The following ARHGAP44 variants were observed in gnomAD, a reference collection of about 807,000 sequenced individuals.
The protein encoded by ARHGAP44 is Rho GTPase activating protein 44.
In ARHGAP44, 43 loss-of-function variants were observed where a neutral mutation model predicts 106.8. The observed-to-expected ratio is 0.40, with a 90% confidence interval of 0.32 to 0.52. ARHGAP44 has a LOEUF of 0.52. Ranked by LOEUF, ARHGAP44 falls within the 20% of genes least tolerant of loss-of-function variation. The probability of loss-of-function intolerance (pLI) is 0.48; values close to 1 mark genes in which losing one functional copy is unlikely to be tolerated. For missense variants in ARHGAP44, 866 were observed against 1,050.5 expected (o/e 0.82, Z 2.43); for synonymous variants, 439 against 410.3 (o/e 1.07, Z -0.85).
At chr17:12,965,599 G>A (rs2039371824) in intron 16 of ARHGAP44, among the ~76,000 whole-genome samples, 1 of 152,162 alleles carries the variant, frequency 6.6e-6, no homozygotes, top group Admixed American at 6.5e-5. Flanking sequence ...GAGGAGGGTG[G>A]ACTCTGATGT....
At chr17:12,966,144 A>G (rs531649535) in intron 16 of ARHGAP44, among the ~76,000 whole-genome samples, 1 of 143,218 alleles carries the variant, frequency 7.0e-6, no homozygotes, top group East Asian at 2.1e-4. Context: ...TGACATAGTG[A>G]CACGCTGTCT....
At chr17:12,865,714 G>A (rs2036220186) in intron 1 of ARHGAP44, among the ~76,000 whole-genome samples, 1 of 151,726 alleles carries the variant, frequency 6.6e-6, no homozygotes, top group Admixed American at 6.6e-5. Flanking sequence ...GCGTGAACCT[G>A]GGAGGCGGAG....
intron 13 of ARHGAP44, among the ~76,000 whole-genome samples, chr17:12,953,110 C>T (rs1252693603): frequency 1.3e-5 from 2 of 152,132 alleles, no homozygotes; most frequent in Non-Finnish European, 2.9e-5. Context: ...AGCTGACCTA[C>T]ATGGGAGCTG....
rs147787642 is a variant in ARHGAP44 at position 12,982,011 on chromosome 17, C to CAA, written c.1939+1786_1939+1787dup. Among the ~76,000 whole-genome samples, 3 of 150,194 alleles carry CAA rather than the reference C, an allele frequency of 2.0e-5. No homozygotes were observed. The South Asian group carries it at 6.3e-4, about 32-fold the overall frequency. Reference sequence around the variant, plus strand: ...GGGCAGCAAAGCAAAACTCTGTCTCCAAAAAAAAAGAGTCCTTTAACTTTC... The same window carrying CAA: ...GGGCAGCAAAGCAAAACTCTGTCTCCAAAAAAAAAAAGAGTCCTTTAACTTTC... On this transcript the variant is annotated intron_variant, in intron 19 of 20. Transcript: ENST00000379672.
intron 1 of ARHGAP44, among the ~76,000 whole-genome samples, chr17:12,833,617 G>C (rs2035151119): frequency 6.6e-6 from 1 of 152,124 alleles, no homozygotes; most frequent in Non-Finnish European, 1.5e-5. Context: ...GATTTATTCT[G>C]AGTGAAATAT....
chr17:12,798,232 T>C (rs1246545991), intron 1 of ARHGAP44, among the ~76,000 whole-genome samples: 1 of 152,220 alleles, frequency 6.6e-6, no homozygotes, highest in African/African-American at 2.4e-5. Context: ...TATAGAACAA[T>C]GTTAAAATAT....
At position 12,952,638 on chromosome 17, in the gene ARHGAP44, G is replaced by T. The variant is rs1038651082; in HGVS notation, c.1136+57G>T. ...GGCTTGGGCTTATGTAAGCCTCAGA[G>T]ATACAACTGCCCGGGTAAAAGTCAT... is the stretch of plus-strand genomic sequence containing the variant. On this transcript the variant is annotated intron_variant, in intron 13 of 20. Coordinates refer to ENST00000379672, the MANE Select transcript of ARHGAP44 (RefSeq NM_014859.6). 4.6e-6 allele frequency: 6 copies of T among 1,291,180 alleles called. No individual in the cohort carries two copies. In the Admixed American group the frequency reaches 8.2e-5, roughly 18 times the overall value. The allele number at this position is 1,291,180 out of a possible 1,614,324, so 80.0% of individuals were successfully genotyped here. A position where few individuals can be genotyped will look rare whatever the true frequency, so the allele number is the denominator to read the frequency against.
At position 12,887,859 on chromosome 17, in the gene ARHGAP44, CA is replaced by C. The variant is rs1217416626; in HGVS notation, c.54-7080del. Among the ~76,000 whole-genome samples, 126 of 148,348 alleles carry C rather than the reference CA, an allele frequency of 8.5e-4. 3 individuals carry two copies. The South Asian group carries it at 0.01, about 12-fold the overall frequency. The stretch of plus-strand genomic sequence containing the variant: ...TATTTCATATTATGTGTATTGCAAT[CA>C]TTTTTGTTTTTTTTTTTTTTAGGAA... On this transcript the variant is annotated intron_variant, in intron 1 of 20. Coordinates refer to ENST00000379672, the MANE Select transcript of ARHGAP44 (RefSeq NM_014859.6).
At chr17:12,921,760 T>G (rs941993944) in intron 6 of ARHGAP44, among the ~76,000 whole-genome samples, 1 of 152,248 alleles carries the variant, frequency 6.6e-6, no homozygotes, top group African/African-American at 2.4e-5. Flanking sequence ...AATATCATTT[T>G]CTTCACCTGG....
At position 12,949,760 on chromosome 17, in the gene ARHGAP44, T is replaced by C. The variant is rs1172491496; in HGVS notation, c.1055+30T>C. On this transcript the variant is annotated intron_variant, in intron 12 of 20. Coordinates refer to ENST00000379672, the MANE Select transcript of ARHGAP44 (RefSeq NM_014859.6). The surrounding 1 kb of genome is among the most constrained non-coding windows in gnomAD (Gnocchi z 4.1). ...GTACCCCTTGTTTTGGAATGTCCTG[T>C]GAGTTACAGTTTATTTGGGAGTATG... is the stretch of plus-strand genomic sequence containing the variant. 1 of 1,586,700 alleles carries C rather than the reference T, an allele frequency of 6.3e-7. No homozygotes were observed. Among genetic ancestry groups the C allele is most frequent in the Admixed American group, 1.7e-5 (1 of 59,174 alleles).
At chr17:12,838,408 AT>A (rs2035298052) in intron 1 of ARHGAP44, among the ~76,000 whole-genome samples, 1 of 152,166 alleles carries the variant, frequency 6.6e-6, no homozygotes, top group Non-Finnish European at 1.5e-5. Context: ...TTCTTTAGTA[AT>A]TTCCTGCATT....
Position 12,956,640 on chromosome 17 carries a change from GCT to G in ARHGAP44, c.1251-10_1251-9del. 6.2e-7 allele frequency: 1 copy of G among 1,611,494 alleles called. No homozygotes were observed. Among genetic ancestry groups the G allele is most frequent in the South Asian group, 1.1e-5 (1 of 90,980 alleles). On this transcript the variant is annotated splice_polypyrimidine_tract_variant and intron_variant, in intron 14 of 20. Coordinates refer to ENST00000379672, the MANE Select transcript of ARHGAP44 (RefSeq NM_014859.6). ...TGCTAACTCCACCCTGTTTGCCTCT[GCT>G]CTCTGCTTACAGGAACATTACAGAG...
At chr17:12,872,769 C>CT (rs560255254) in intron 1 of ARHGAP44, among the ~76,000 whole-genome samples, 5 of 151,866 alleles carry the variant, frequency 3.3e-5, no homozygotes, top group Non-Finnish European at 5.9e-5. Flanking sequence ...ATCTGTATCT[C>CT]TTTTTTTTCT....
chr17:12,984,775 C>T lies in ARHGAP44; in HGVS notation c.2184C>T (p.Pro728=). 5 of 1,613,988 alleles carry T rather than the reference C, an allele frequency of 3.1e-6. No homozygotes were observed. In the South Asian group the frequency reaches 4.4e-5, roughly 14 times the overall value. Reference sequence around the variant, plus strand: ...CAAGCACTTTGAGCAAATCGCGGCCCACTCCTAAGCCGCGACAGAGACCTA... The same window carrying T: ...CAAGCACTTTGAGCAAATCGCGGCCTACTCCTAAGCCGCGACAGAGACCTA... ...VFTSTLSKSR[P]TPKPRQRPTL... is the part of the protein sequence containing the mutation. The change falls in exon 20 of 21, where the codon CCC becomes CCT. Residue 728 remains proline, a synonymous_variant. Transcript: ENST00000379672.
At chr17:12,793,490 C>T (rs2033826613) in intron 1 of ARHGAP44, among the ~76,000 whole-genome samples, 1 of 152,078 alleles carries the variant, frequency 6.6e-6, no homozygotes, top group Non-Finnish European at 1.5e-5. Context: ...GGTGGATCAC[C>T]TGAGGTCAGG....
chr17:12,792,363 G>C (rs1334424341), intron 1 of ARHGAP44, among the ~76,000 whole-genome samples: 2 of 152,168 alleles, frequency 1.3e-5, no homozygotes, highest in Admixed American at 6.6e-5. Flanking sequence ...GCTTCCAGCA[G>C]AATCTATTGA....
At chr17:12,872,777 T>C (rs1023959496) in intron 1 of ARHGAP44, among the ~76,000 whole-genome samples, 3 of 152,204 alleles carry the variant, frequency 2.0e-5, no homozygotes, top group African/African-American at 7.2e-5. Context: ...CTCTTTTTTT[T>C]CTCCCTCTTT....
At chr17:12,974,516 C>T (rs1014458192) in intron 18 of ARHGAP44, among the ~76,000 whole-genome samples, 6 of 152,104 alleles carry the variant, frequency 3.9e-5, no homozygotes, top group Admixed American at 3.9e-4. Flanking sequence ...CAGTCTTCCC[C>T]AGCATAACAT....
At chr17:12,810,261 C>T (rs1288614866) in intron 1 of ARHGAP44, among the ~76,000 whole-genome samples, 6 of 152,180 alleles carry the variant, frequency 3.9e-5, no homozygotes, top group Admixed American at 3.9e-4. Context: ...TATTCTTGCA[C>T]AGTTCTGCAG....
Sources: gnomAD v4.1 joint callset for allele counts (sites outside exome capture counted in the v4.1 genomes callset) on GRCh38, gnomAD v4.1.1 for gene constraint, Gnocchi (gnomAD v3.1) non-coding constraint, MANE v1.5 for transcripts, NCBI Gene and HGNC (gene_info 2026-07-23, HGNC 2026-07-21) for gene names.